Variants in TCF12 observed in about 807,000 individuals in gnomAD.
TCF12 encodes the protein DNA-binding protein HTF4.
In TCF12, 45 loss-of-function variants were observed where a neutral mutation model predicts 86.0. The observed-to-expected ratio is 0.52, with a 90% CI of 0.41 to 0.67. The LOEUF (loss-of-function observed/expected upper bound fraction) is 0.67, where lower values mean the gene tolerates loss of function less well. TCF12 is among the 30% of genes least tolerant of loss of function. TCF12 has a pLI of 0.00. For missense variants in TCF12, 881 were observed against 859.9 expected (o/e 1.02, Z -0.31); for synonymous variants, 330 against 299.6 (o/e 1.10, Z -1.05).
intron 3 of TCF12, among the ~76,000 whole-genome samples, chr15:56,975,620 T>C (rs2062556909): frequency 6.6e-6 from 1 of 150,574 alleles, no homozygotes; most frequent in South Asian, 2.1e-4. Context: ...AAGCATATGC[T>C]AAAAACTAGG....
chr15:57,211,135 C>G (rs1458664053), intron 8 of TCF12, among the ~76,000 whole-genome samples: 2 of 152,208 alleles, frequency 1.3e-5, no homozygotes, highest in Admixed American at 6.5e-5. Flanking sequence ...TGTAGATTAA[C>G]TTGCACATTA....
chr15:57,082,717 A>G (rs1302854320), intron 4 of TCF12, among the ~76,000 whole-genome samples: 2 of 152,194 alleles, frequency 1.3e-5, no homozygotes, highest in Non-Finnish European at 2.9e-5. Context: ...TTCCCCCTAA[A>G]TGATAACATA....
At chr15:56,993,511 C>G (rs1391024696) in intron 3 of TCF12, among the ~76,000 whole-genome samples, 1 of 152,108 alleles carries the variant, frequency 6.6e-6, no homozygotes, top group Non-Finnish European at 1.5e-5. Context: ...AAAGGGATGC[C>G]TCAGAGAATT....
At chr15:57,057,336 A>T (rs1181364271) in intron 3 of TCF12, among the ~76,000 whole-genome samples, 1 of 152,146 alleles carries the variant, frequency 6.6e-6, no homozygotes, top group African/African-American at 2.4e-5. Flanking sequence ...CAAAAAGACA[A>T]TGGGGTTTCT....
intron 3 of TCF12, among the ~76,000 whole-genome samples, chr15:56,979,599 A>G (rs2062787132): frequency 1.3e-5 from 2 of 152,206 alleles, no homozygotes; most frequent in South Asian, 4.1e-4. Context: ...GAATGGTCAT[A>G]TAATAGTTAA....
At chr15:57,072,646 A>G in intron 4 of TCF12, 1 of 1,298,362 alleles carries the variant, frequency 7.7e-7, no homozygotes, top group Non-Finnish European at 1.0e-6. Context: ...ATGCCTCTTG[A>G]TCTCAGGTAC....
chr15:57,233,986 C>A, intron 11 of TCF12, 57 bp from the exon 12 acceptor site: 1 of 1,452,208 alleles, frequency 6.9e-7, no homozygotes, highest in Non-Finnish European at 9.7e-7. Flanking sequence ...TGGCAGAGTG[C>A]TAAAATATAA....
intron 3 of TCF12, among the ~76,000 whole-genome samples, chr15:56,965,857 A>G (rs922324906): frequency 2.0e-5 from 3 of 152,218 alleles, no homozygotes; most frequent in Non-Finnish European, 4.4e-5. Flanking sequence ...ACAATTAGTC[A>G]CTGGCTCTGA....
At chr15:57,086,837 A>T (rs2048669339) in intron 4 of TCF12, among the ~76,000 whole-genome samples, 1 of 152,150 alleles carries the variant, frequency 6.6e-6, no homozygotes, top group South Asian at 2.1e-4. Context: ...GTAAAACTGT[A>T]AGTGTATTCT....
At chr15:57,073,903 C>T (rs2069637542) in intron 4 of TCF12, among the ~76,000 whole-genome samples, 1 of 152,076 alleles carries the variant, frequency 6.6e-6, no homozygotes, top group Non-Finnish European at 1.5e-5. Flanking sequence ...CGCCCACCAC[C>T]ACTCCTGGCT....
chr15:56,981,070 C>T (rs530013937), intron 3 of TCF12, among the ~76,000 whole-genome samples: 22 of 152,328 alleles, frequency 1.4e-4, no homozygotes, highest in African/African-American at 5.3e-4. Flanking sequence ...GATGATTTAT[C>T]TAACAACATG....
chr15:57,014,889 A>G (rs142678595), intron 3 of TCF12, among the ~76,000 whole-genome samples: 51 of 80,504 alleles, frequency 6.3e-4, no homozygotes, highest in Admixed American at 1.2e-3. Context: ...TATTATTATT[A>G]TTATTGTTAT....
intron 7 of TCF12, 60 bp downstream of exon 7, chr15:57,192,353 T>C: frequency 6.4e-7 from 1 of 1,570,250 alleles, no homozygotes; most frequent in South Asian, 1.2e-5. Context: ...TTTCCTCCCA[T>C]AATCTGTACT....
intron 5 of TCF12, among the ~76,000 whole-genome samples, chr15:57,114,486 T>C (rs1172539875): frequency 6.6e-6 from 1 of 152,080 alleles, no homozygotes; most frequent in East Asian, 1.9e-4. Flanking sequence ...TTTGTGGAGA[T>C]GGGGTCTCAG....
intron 12 of TCF12, among the ~76,000 whole-genome samples, chr15:57,243,086 ATAGTAT>A (rs1299183266): frequency 2.0e-5 from 3 of 152,226 alleles, no homozygotes; most frequent in Admixed American, 1.3e-4. Context: ...ATTCTAAAAG[ATAGTAT>A]TAATAGCTTT....
In TCF12 at chr15:57,288,582, C is replaced by G. The variant is rs533282567; in HGVS notation, c.*2437C>G. The G allele has an allele frequency of 6.6e-6, 1 of 152,494 alleles. No individual in the cohort carries two copies. Among genetic ancestry groups the G allele is most frequent in the Non-Finnish European group, 1.5e-5 (1 of 68,024 alleles). 9.4% of individuals were successfully genotyped at this position (152,494 alleles called of 1,614,324 possible). A position where few individuals can be genotyped will look rare whatever the true frequency, so the allele number is the denominator to read the frequency against. On this transcript the variant is annotated 3_prime_UTR_variant, in exon 21 of 21. Coordinates refer to ENST00000333725, the MANE Select transcript of TCF12 (RefSeq NM_207037.2). ...GTATTTTGTTTTATTTTCTCCATCT[C>G]ATTCGTCCCAGAAACACTCACACTG...
chr15:57,208,683 C>A (rs1033856602), intron 8 of TCF12, among the ~76,000 whole-genome samples: 1 of 151,536 alleles, frequency 6.6e-6, no homozygotes, highest in Non-Finnish European at 1.5e-5. Context: ...CTGCACCCAG[C>A]CTGGAAAGAA....
chr15:57,146,418 A>T (rs1310319039), intron 5 of TCF12, among the ~76,000 whole-genome samples: 2 of 152,218 alleles, frequency 1.3e-5, no homozygotes, highest in African/African-American at 4.8e-5. Flanking sequence ...TGTAAAAATC[A>T]CTTATATTTA....
chr15:56,973,044 T>TA (rs1444710236), intron 3 of TCF12, among the ~76,000 whole-genome samples: 1 of 152,082 alleles, frequency 6.6e-6, no homozygotes, highest in East Asian at 1.9e-4. Flanking sequence ...ATTTTATGGG[T>TA]AATAGAAGCC....
Sources: gnomAD v4.1 joint callset for allele counts (sites outside exome capture counted in the v4.1 genomes callset) on GRCh38, gnomAD v4.1.1 for gene constraint, MANE v1.5 for transcripts, NCBI Gene and HGNC (gene_info 2026-07-23, HGNC 2026-07-21) for gene names.